TRERF1: variants seen among roughly 807,000 people sequenced by gnomAD.
TRERF1 encodes the protein transcriptional-regulating factor 1.
TRERF1 carries 27 observed loss-of-function variants against 122.9 expected under a neutral mutation model. The ratio of observed to expected loss-of-function variants is 0.22; its 90% confidence interval spans 0.16 to 0.30. The LOEUF is 0.30. Among genes scored for constraint, TRERF1 ranks in the 10% least tolerant of loss-of-function variants. The pLI is 1.00. For synonymous variants in TRERF1, 636 were observed against 641.7 expected, an observed-to-expected ratio of 0.99 and a Z score of 0.13; for missense variants, 1,248 against 1,560.3, an observed-to-expected ratio of 0.80 and a Z score of 3.37.
At chr6:42,246,843 GATA>G (rs1274515074) in intron 13 of TRERF1, among the ~76,000 whole-genome samples, 1 of 152,178 alleles carries the variant, frequency 6.6e-6, no homozygotes, top group Admixed American at 6.5e-5. Flanking sequence ...GGTTAAAGAA[GATA>G]ATGCACAAAA....
At chr6:42,436,813 AAATATATATATATATAT>A (rs1209470934) in intron 2 of TRERF1, among the ~76,000 whole-genome samples, 11 of 106,910 alleles carry the variant, frequency 1.0e-4, no homozygotes, top group African/African-American at 3.1e-4. Flanking sequence ...AAAAAAAAAA[AAATATATATATATATAT>A]ATATATATAT....
intron 3 of TRERF1, among the ~76,000 whole-genome samples, chr6:42,331,035 C>T (rs568327020): frequency 6.0e-4 from 91 of 152,082 alleles, no homozygotes; most frequent in African/African-American, 2.0e-3. Context: ...GTGCAAAACA[C>T]GAGACTGGGT....
At chr6:42,445,067 G>C (rs1437354735) in intron 2 of TRERF1, among the ~76,000 whole-genome samples, 1 of 152,068 alleles carries the variant, frequency 6.6e-6, no homozygotes, top group Admixed American at 6.5e-5. Context: ...TCAGGAGTTT[G>C]AGACCAGCCT....
intron 4 of TRERF1, among the ~76,000 whole-genome samples, chr6:42,274,875 T>A (rs1780889264): frequency 6.6e-6 from 1 of 152,058 alleles, no homozygotes. Flanking sequence ...ACAGCAAAAA[T>A]TATCCTAAAT....
intron 3 of TRERF1, among the ~76,000 whole-genome samples, chr6:42,356,711 A>G (rs1221362093): frequency 6.6e-6 from 1 of 151,966 alleles, no homozygotes; most frequent in African/African-American, 2.4e-5. Flanking sequence ...AGTAGCTGGG[A>G]TTACAGGTGC....
chr6:42,263,706 A>T lies in TRERF1; in HGVS notation c.1636-138T>A. ...GCTGCAGGGCGATTTCCTTCCTGCA[A>T]TCCTGAGTCCCTTGGCTGGAGTGAT... On this transcript the variant is annotated intron_variant, in intron 7 of 17. Transcript: ENST00000372922. This position sits in a 1 kb window ranked among gnomAD's most constrained non-coding sequence, Gnocchi z 5.6. The T allele has an allele frequency of 8.3e-7, 1 of 1,209,478 alleles. No individual in the cohort carries two copies. The highest frequency in any genetic ancestry group is 2.8e-5 in the East Asian group (1 of 35,428). 74.9% of individuals were successfully genotyped at this position (1,209,478 alleles called of 1,614,324 possible).
chr6:42,410,770 G>C (rs746292616), intron 2 of TRERF1, among the ~76,000 whole-genome samples: 3 of 152,184 alleles, frequency 2.0e-5, no homozygotes, highest in Non-Finnish European at 4.4e-5. Context: ...AACTACTATG[G>C]CTACTGGATG....
intron 2 of TRERF1, among the ~76,000 whole-genome samples, chr6:42,380,820 TG>T (rs1775788728): frequency 6.6e-6 from 1 of 152,214 alleles, no homozygotes; most frequent in African/African-American, 2.4e-5. Context: ...AGGGTGGGGT[TG>T]GGCCCACAGA....
chr6:42,439,208 T>G (rs1366339076), intron 2 of TRERF1, among the ~76,000 whole-genome samples: 1 of 152,044 alleles, frequency 6.6e-6, no homozygotes, highest in Non-Finnish European at 1.5e-5. Context: ...TGGATTCCGT[T>G]CCCCAACACA....
intron 16 of TRERF1, among the ~76,000 whole-genome samples, chr6:42,233,467 A>G (rs1467697198): frequency 1.3e-5 from 2 of 151,730 alleles, no homozygotes; most frequent in African/African-American, 2.4e-5. Flanking sequence ...TTGTAGTTTT[A>G]GTAGAGACAG....
chr6:42,267,730 C>T (rs1184507970), intron 5 of TRERF1, among the ~76,000 whole-genome samples: 4 of 152,260 alleles, frequency 2.6e-5, no homozygotes, highest in Admixed American at 6.5e-5. Flanking sequence ...TGTGGAATGG[C>T]TGTTCTGAGC....
chr6:42,224,935 G>A (rs1336746098), downstream of TRERF1: 14 of 152,066 alleles, frequency 9.2e-5, no homozygotes, highest in Admixed American at 6.5e-4. Flanking sequence ...CAAACGAAAC[G>A]CAAAAGATTA....
chr6:42,349,900 A>G (rs1014013197), intron 3 of TRERF1, among the ~76,000 whole-genome samples: 5 of 152,184 alleles, frequency 3.3e-5, no homozygotes, highest in Non-Finnish European at 7.3e-5. Flanking sequence ...TGTTCAAATT[A>G]AGTTTGCTGA....
At chr6:42,343,387 A>C (rs1767662254) in intron 3 of TRERF1, among the ~76,000 whole-genome samples, 1 of 152,282 alleles carries the variant, frequency 6.6e-6, no homozygotes, top group Non-Finnish European at 1.5e-5. Context: ...TGCCGCATAA[A>C]ACTAACAGTG....
Position 42,294,371 on chromosome 6 carries a change from A to G in TRERF1, c.-259+6267T>C, listed in dbSNP as rs1222357466. On this transcript the variant is annotated intron_variant, in intron 4 of 17. Coordinates refer to ENST00000372922, the Ensembl canonical transcript of TRERF1. The stretch of plus-strand genomic sequence containing the variant: ...TTTTTTTTTGTATTTTAGTAGAGAC[A>G]GGGTTTCACCATATTGGCCAGGCTG... Among the ~76,000 whole-genome samples the G allele has an allele frequency of 2.0e-5, 3 of 151,470 alleles. 1 individual carries two copies. Among genetic ancestry groups the G allele is most frequent in the African/African-American group, 7.3e-5 (3 of 41,188 alleles).
chr6:42,253,191 C>T (rs1776137271), intron 13 of TRERF1, among the ~76,000 whole-genome samples: 1 of 152,124 alleles, frequency 6.6e-6, no homozygotes, highest in Admixed American at 6.5e-5. Context: ...TCATGATACA[C>T]ATAAAATGAT....
Position 42,259,535 on chromosome 6 carries a change from G to GCGC in TRERF1, c.2070_2072dup (p.Arg691dup), listed in dbSNP as rs1165855423. ...CCAGGAGCAGGTGGTCCCCGAGGAC[G>GCGC]CGCGGGGAGCGCAGCTGGCTCTGGT... is the stretch of plus-strand genomic sequence containing the variant. On this transcript the variant is annotated inframe_insertion, in exon 9 of 18. Transcript: ENST00000372922. This position sits in a 1 kb window ranked among gnomAD's most constrained non-coding sequence, Gnocchi z 4.9. The GCGC allele has an allele frequency of 9.3e-6, 15 of 1,613,390 alleles. No individual in the cohort carries two copies. The Middle Eastern group carries it at 1.3e-3, about 143-fold the overall frequency.
chr6:42,231,763 A>T (rs988452380), intron 17 of TRERF1, among the ~76,000 whole-genome samples: 42 of 152,322 alleles, frequency 2.8e-4, no homozygotes, highest in African/African-American at 9.6e-4. Context: ...TTTCTACCTA[A>T]AGCAAAAAAC....
intron 3 of TRERF1, among the ~76,000 whole-genome samples, chr6:42,332,709 T>A (rs962885242): frequency 6.6e-6 from 1 of 152,262 alleles, no homozygotes; most frequent in Non-Finnish European, 1.5e-5. Flanking sequence ...TAAAGAAGAC[T>A]TCTTCCACTG....
Sources: allele counts gnomAD v4.1 joint callset (sites outside exome capture counted in the v4.1 genomes callset), GRCh38; gene constraint gnomAD v4.1.1; non-coding constraint Gnocchi (gnomAD v3.1); transcripts MANE v1.5; gene names NCBI Gene and HGNC (gene_info 2026-07-23, HGNC 2026-07-21).